NSD2: variants seen among roughly 807,000 people sequenced by gnomAD.
NSD2 encodes the protein histone-lysine N-methyltransferase NSD2.
NSD2 carries 12 observed loss-of-function variants against 139.0 expected under a neutral mutation model. The observed-to-expected ratio is 0.09, with a 90% CI of 0.06 to 0.14. The LOEUF is 0.14. Ranked by LOEUF, NSD2 falls within the 10% of genes least tolerant of loss-of-function variation. The probability of loss-of-function intolerance (pLI) is 1.00; values close to 1 mark genes in which losing one functional copy is unlikely to be tolerated. For missense variants in NSD2, 1,155 were observed against 1,745.0 expected (o/e 0.66, Z 6.02); for synonymous variants, 669 against 648.7 (o/e 1.03, Z -0.48).
At chr4:1,963,585 T>C (rs1725580948) in intron 18 of NSD2, among the ~76,000 whole-genome samples, 1 of 152,216 alleles carries the variant, frequency 6.6e-6, no homozygotes, top group South Asian at 2.1e-4. Context: ...AAAAAAGAAA[T>C]GCCAGGTTGA....
In NSD2 at chr4:1,942,763, G is replaced by A; in HGVS notation, c.1881+2985G>A. 1.8e-6 allele frequency: 2 copies of A among 1,082,772 alleles called. No homozygotes were observed. The highest frequency in any genetic ancestry group is 2.2e-6 in the Non-Finnish European group (2 of 889,338). 67.1% of individuals were successfully genotyped at this position (1,082,772 alleles called of 1,614,324 possible). A position where few individuals can be genotyped will look rare whatever the true frequency, so the allele number is the denominator to read the frequency against. ...TTCTCCTCTAGTTTGTAACTTACTG[G>A]ACTTTTGTGGAAAATATCAGCGTCG... On this transcript the variant is annotated intron_variant, in intron 9 of 21. Transcript: ENST00000508803. The surrounding 1 kb of genome is among the most constrained non-coding windows in gnomAD (Gnocchi z 4.0).
In NSD2 at chr4:1,972,207, CGTGTATTGAATGGAGCAGGCTTCT is replaced by C. The variant is rs1361559749; in HGVS notation, c.3373-2652_3373-2629del. ...TGCAGAGCCACAAAGAGCATTGATG[CGTGTATTGAATGGAGCAGGCTTCT>C]GTGGAAAGTTCGGCAGTGTCACTGA... On this transcript the variant is annotated intron_variant, in intron 18 of 21. Coordinates refer to ENST00000508803, the MANE Select transcript of NSD2 (RefSeq NM_001042424.3). This position sits in a 1 kb window ranked among gnomAD's most constrained non-coding sequence, Gnocchi z 4.0. 1.3e-5 allele frequency among the ~76,000 whole-genome samples: 2 copies of C among 152,220 alleles called. No individual in the cohort carries two copies. Among genetic ancestry groups the C allele is most frequent in the East Asian group, 3.9e-4 (2 of 5,190 alleles).
intron 1 of NSD2, among the ~76,000 whole-genome samples, chr4:1,872,593 A>AGAGAGG (rs1713911634): frequency 1.4e-5 from 1 of 73,090 alleles, no homozygotes; most frequent in African/African-American, 6.0e-5. Flanking sequence ...TGTGTGTGTG[A>AGAGAGG]GAGAGAGAGA....
chr4:1,896,321 G>T (rs916883189), intron 1 of NSD2, among the ~76,000 whole-genome samples: 44 of 152,360 alleles, frequency 2.9e-4, no homozygotes, highest in African/African-American at 1.1e-3. Flanking sequence ...AGCCTATGAG[G>T]CTCCAGACTG....
chr4:1,926,442 C>G (rs552604154), intron 5 of NSD2, among the ~76,000 whole-genome samples: 3 of 151,392 alleles, frequency 2.0e-5, no homozygotes, highest in African/African-American at 4.9e-5. Context: ...TGTGAGCCAC[C>G]GTGCCTGGTT....
intron 18 of NSD2, among the ~76,000 whole-genome samples, chr4:1,970,857 C>T (rs1457489150): frequency 6.6e-6 from 1 of 152,186 alleles, no homozygotes; most frequent in East Asian, 1.9e-4. Flanking sequence ...TCCCCAACAG[C>T]AGGAAATCAA....
chr4:1,949,877 G>A (rs566020260), intron 9 of NSD2, among the ~76,000 whole-genome samples: 64 of 152,294 alleles, frequency 4.2e-4, no homozygotes, highest in Non-Finnish European at 7.5e-4. Flanking sequence ...AGCTAAATGT[G>A]GAAAAGCTCA....
chr4:1,963,559 T>C (rs942468365), intron 18 of NSD2, among the ~76,000 whole-genome samples: 1 of 152,348 alleles, frequency 6.6e-6, no homozygotes, highest in African/African-American at 2.4e-5. Context: ...GATACTGCAG[T>C]TTGCTTTTGA....
chr4:1,963,522 C>G lies in NSD2; in HGVS notation c.3372+2371C>G, dbSNP rs571910558. Among the ~76,000 whole-genome samples the G allele has an allele frequency of 3.3e-5, 5 of 152,300 alleles. No individual in the cohort carries two copies. The South Asian group carries it at 1.0e-3, about 32-fold the overall frequency. On this transcript the variant is annotated intron_variant, in intron 18 of 21. Transcript: ENST00000508803. ...TGTTTTGGAGTCTAAATGTAAACTA[C>G]TTATGTGCTGTAAGAAATGCCAAGT...
chr4:1,912,127 C>T, intron 3 of NSD2: 1 of 408,654 alleles, frequency 2.4e-6, no homozygotes, highest in Non-Finnish European at 4.9e-6. Flanking sequence ...CACTTAAAAA[C>T]AAGTCAAATT....
At chr4:1,899,405 C>T (rs1328889640) in intron 1 of NSD2, 3 of 152,298 alleles carry the variant, frequency 2.0e-5, no homozygotes, top group South Asian at 4.1e-4. Context: ...GGTCAGGGTC[C>T]GCCCCCTAGT....
chr4:1,898,673 A>AAC (rs1283632695), intron 1 of NSD2, among the ~76,000 whole-genome samples: 11 of 146,256 alleles, frequency 7.5e-5, no homozygotes, highest in African/African-American at 2.6e-4. Flanking sequence ...AAAAAAAAAC[A>AAC]AAAAACAAAA....
intron 9 of NSD2, chr4:1,946,953 T>G (rs1160506387): frequency 9.4e-7 from 1 of 1,060,848 alleles, no homozygotes; most frequent in Admixed American, 5.4e-5. Flanking sequence ...CATATAACTC[T>G]CGGGTAATAT....
chr4:1,941,640 A>G (rs1723108620), intron 9 of NSD2: 1 of 1,040,268 alleles, frequency 9.6e-7, no homozygotes. Context: ...ACACCTTCCT[A>G]CATTTTGAAG....
At chr4:1,890,560 C>T (rs542278580) in intron 1 of NSD2, among the ~76,000 whole-genome samples, 16 of 152,074 alleles carry the variant, frequency 1.1e-4, no homozygotes, top group East Asian at 3.9e-4. Context: ...CTCGGCCTCC[C>T]AAAGTGCTGG....
chr4:1,955,135 C>T lies in NSD2; in HGVS notation c.2339-26C>T, dbSNP rs1334554602. On this transcript the variant is annotated intron_variant, in intron 12 of 21. Coordinates refer to ENST00000508803, the MANE Select transcript of NSD2 (RefSeq NM_001042424.3). The surrounding 1 kb of genome is among the most constrained non-coding windows in gnomAD (Gnocchi z 4.7). ...ATGACTGGAGTCAGTGTTTGGGGTCCTTAGGGTGTGTTTCTTTGCCTTCAG... is the reference window on the plus strand; with the variant it reads ...ATGACTGGAGTCAGTGTTTGGGGTCTTTAGGGTGTGTTTCTTTGCCTTCAG... The T allele has an allele frequency of 5.0e-6, 8 of 1,585,982 alleles. No individual in the cohort carries two copies. The highest frequency in any genetic ancestry group is 1.1e-5 in the South Asian group (1 of 89,954).
intron 1 of NSD2, among the ~76,000 whole-genome samples, chr4:1,883,207 T>A (rs1714832993): frequency 6.6e-6 from 1 of 152,162 alleles, no homozygotes; most frequent in Non-Finnish European, 1.5e-5. Flanking sequence ...TGCATTTACA[T>A]TACCTTCCAT....
chr4:1,937,606 C>G (rs770139864), intron 7 of NSD2, among the ~76,000 whole-genome samples: 1 of 152,164 alleles, frequency 6.6e-6, no homozygotes, highest in East Asian at 1.9e-4. Context: ...ATATGACACC[C>G]AATGTGCACT....
At chr4:1,887,015 A>C (rs1410643507) in intron 1 of NSD2, among the ~76,000 whole-genome samples, 1 of 152,066 alleles carries the variant, frequency 6.6e-6, no homozygotes, top group Non-Finnish European at 1.5e-5. Context: ...TTGATGATCT[A>C]TTCCAGAACT....
Sources: allele counts gnomAD v4.1 joint callset (sites outside exome capture counted in the v4.1 genomes callset), GRCh38; gene constraint gnomAD v4.1.1; non-coding constraint Gnocchi (gnomAD v3.1); transcripts MANE v1.5; gene names NCBI Gene and HGNC (gene_info 2026-07-23, HGNC 2026-07-21).